Variants in VPS26A observed in about 807,000 individuals in gnomAD.
VPS26A encodes VPS26 retromer complex component A, also known as vacuolar protein sorting-associated protein 26A.
In VPS26A, 22 loss-of-function variants were observed where a neutral mutation model predicts 42.4. The ratio of observed to expected loss-of-function variants is 0.52; its 90% CI spans 0.37 to 0.74. VPS26A has a LOEUF of 0.74. Ranked by LOEUF, VPS26A falls within the 30% of genes least tolerant of loss-of-function variation. VPS26A has a pLI of 0.00. For missense variants in VPS26A, 276 were observed against 379.2 expected (o/e 0.73, Z 2.26); for synonymous variants, 110 against 123.5 (o/e 0.89, Z 0.73).
chr10:69,144,787 A>C (rs986358446), intron 2 of VPS26A, among the ~76,000 whole-genome samples: 1 of 151,784 alleles, frequency 6.6e-6, no homozygotes, highest in African/African-American at 2.4e-5. Flanking sequence ...GGTGTTTTAT[A>C]TATCTAGATA....
chr10:69,151,451 CAAAAAAAAA>C (rs150296063), intron 2 of VPS26A, among the ~76,000 whole-genome samples: 1 of 105,482 alleles, frequency 9.5e-6, no homozygotes, highest in South Asian at 3.0e-4. Context: ...GACTCCGTCT[CAAAAAAAAA>C]AAAAAAAAAA....
In VPS26A at chr10:69,171,121, C is replaced by T. The variant is rs1230593598; in HGVS notation, c.871-35C>T. The T allele has an allele frequency of 2.6e-6, 4 of 1,523,006 alleles. No homozygotes were observed. The Admixed American group carries it at 5.5e-5, about 21-fold the overall frequency. The allele number at this position is 1,523,006 out of a possible 1,614,324, so 94.3% of individuals were successfully genotyped here. Reference sequence around the variant, plus strand: ...AATAGAGATAAGGCATCATATCAAACATTAATTTGTTAATATCTTGCATTT... The same window carrying T: ...AATAGAGATAAGGCATCATATCAAATATTAATTTGTTAATATCTTGCATTT... On this transcript the variant is annotated intron_variant, in intron 8 of 8. Transcript: ENST00000263559.
Position 69,172,051 on chromosome 10 carries a change from G to C in VPS26A, c.*782G>C, listed in dbSNP as rs1782331247. On this transcript the variant is annotated 3_prime_UTR_variant, in exon 9 of 9. Coordinates refer to ENST00000263559, the MANE Select transcript of VPS26A (RefSeq NM_004896.5). ...TGACTTAGCTTGGCATTTTAGATTT[G>C]TTAAAACTATTTTTTCCATAAATAC... 6.6e-6 allele frequency: 1 copy of C among 152,014 alleles called. No individual in the cohort carries two copies. The highest frequency in any genetic ancestry group is 6.6e-5 in the Admixed American group (1 of 15,256). 9.4% of individuals were successfully genotyped at this position (152,014 alleles called of 1,614,324 possible).
chr10:69,146,000 C>G (rs1364093249), intron 2 of VPS26A, among the ~76,000 whole-genome samples: 1 of 152,156 alleles, frequency 6.6e-6, no homozygotes, highest in Non-Finnish European at 1.5e-5. Context: ...CCTTTTGTGT[C>G]TGGCTCCTTT....
chr10:69,167,761 AAAAAG>A (rs1425818844), intron 7 of VPS26A, among the ~76,000 whole-genome samples: 1 of 151,728 alleles, frequency 6.6e-6, no homozygotes, highest in Non-Finnish European at 1.5e-5. Context: ...AAAAAAAAAA[AAAAAG>A]AATATGCAAA....
intron 2 of VPS26A, among the ~76,000 whole-genome samples, chr10:69,152,980 A>C (rs868846202): frequency 2.1e-3 from 314 of 151,158 alleles, no homozygotes; most frequent in African/African-American, 7.1e-3. Context: ...AAAAAAAAAA[A>C]AAGAAACCTG....
chr10:69,149,394 A>G (rs1841239946), intron 2 of VPS26A, among the ~76,000 whole-genome samples: 2 of 152,246 alleles, frequency 1.3e-5, no homozygotes, highest in South Asian at 4.1e-4. Flanking sequence ...TTTTTAAATA[A>G]GTCAGGGTCA....
chr10:69,154,098 C>T (rs1841378011), intron 2 of VPS26A, among the ~76,000 whole-genome samples: 1 of 152,172 alleles, frequency 6.6e-6, no homozygotes. Flanking sequence ...ACTCCCATGC[C>T]AAGCAATGTG....
At chr10:69,144,086 T>G (rs1314448534) in intron 2 of VPS26A, among the ~76,000 whole-genome samples, 2 of 150,934 alleles carry the variant, frequency 1.3e-5, no homozygotes, top group African/African-American at 5.0e-5. Context: ...TACTCCTAGA[T>G]ACATACTCAA....
chr10:69,163,327 C>T (rs1841604845), intron 6 of VPS26A, among the ~76,000 whole-genome samples: 1 of 152,140 alleles, frequency 6.6e-6, no homozygotes, highest in Non-Finnish European at 1.5e-5. Context: ...ACTATGTTGC[C>T]CAGGCTAGTC....
intron 2 of VPS26A, among the ~76,000 whole-genome samples, chr10:69,149,739 T>TTG (rs1337480112): frequency 3.1e-5 from 1 of 32,254 alleles, no homozygotes; most frequent in African/African-American, 7.4e-5. Context: ...TTTTTGTTTT[T>TTG]TTTTTTTTTT....
chr10:69,174,004 T>C lies in VPS26A; in HGVS notation c.*2735T>C, dbSNP rs1841876914. Among the ~76,000 whole-genome samples the C allele has an allele frequency of 6.6e-6, 1 of 152,182 alleles. No homozygotes were observed. The highest frequency in any genetic ancestry group is 2.1e-4 in the South Asian group (1 of 4,838). ...TTGTAAAATGGACCAACCAGTGTTC[T>C]GTAGAATGGACCAATCAGCAGGACG... On this transcript the variant is annotated 3_prime_UTR_variant, in exon 9 of 9. Coordinates refer to ENST00000263559, the MANE Select transcript of VPS26A (RefSeq NM_004896.5).
chr10:69,164,306 C>A (rs1438358341), intron 6 of VPS26A, among the ~76,000 whole-genome samples: 1 of 151,652 alleles, frequency 6.6e-6, no homozygotes, highest in Non-Finnish European at 1.5e-5. Flanking sequence ...CAGCCTTGAA[C>A]TCCTGGACTT....
chr10:69,159,082 A>G (rs1200794718), intron 5 of VPS26A, among the ~76,000 whole-genome samples: 3 of 152,168 alleles, frequency 2.0e-5, no homozygotes, highest in Non-Finnish European at 4.4e-5. Context: ...AAGAAGGGTT[A>G]AAAAGATTGA....
At chr10:69,132,602 C>T (rs984464882) in intron 1 of VPS26A, among the ~76,000 whole-genome samples, 2 of 151,980 alleles carry the variant, frequency 1.3e-5, no homozygotes, top group Non-Finnish European at 2.9e-5. Context: ...GCCACCACGC[C>T]CGGCTAATTT....
At chr10:69,127,093 A>ATTTTTTTTTTTTTTTTTTTTTTTTTTTTT (rs71035057) in intron 1 of VPS26A, among the ~76,000 whole-genome samples, 1 of 97,534 alleles carries the variant, frequency 1.0e-5, no homozygotes, top group Non-Finnish European at 2.0e-5. Context: ...CACCCGGCCA[A>ATTTTTTTTTTTTTTTTTTTTTTTTTTTTT]TTTTTTTTTT....
At chr10:69,144,375 A>G (rs2132207226) in intron 2 of VPS26A, among the ~76,000 whole-genome samples, 1 of 152,270 alleles carries the variant, frequency 6.6e-6, no homozygotes. Context: ...AGAATAGTTT[A>G]ACCACCCTAA....
chr10:69,132,315 T>C (rs541465889), intron 1 of VPS26A, among the ~76,000 whole-genome samples: 1 of 150,456 alleles, frequency 6.6e-6, no homozygotes, highest in South Asian at 2.1e-4. Context: ...ATGATTGAAA[T>C]TATAGCATGC....
chr10:69,156,182 CCTT>C (rs1171962304), intron 3 of VPS26A, among the ~76,000 whole-genome samples: 1 of 151,804 alleles, frequency 6.6e-6, no homozygotes, highest in Non-Finnish European at 1.5e-5. Flanking sequence ...TTTTCACCAT[CCTT>C]CTTATAATTA....
Sources: allele counts gnomAD v4.1 joint callset (sites outside exome capture counted in the v4.1 genomes callset), GRCh38; gene constraint gnomAD v4.1.1; transcripts MANE v1.5; gene names NCBI Gene and HGNC (gene_info 2026-07-23, HGNC 2026-07-21).